ZHX2: variants seen among roughly 807,000 people sequenced by gnomAD.
ZHX2 encodes the protein zinc fingers and homeoboxes 2, also known as zinc fingers and homeoboxes protein 2.
Under a neutral mutation model 21.9 loss-of-function variants are expected in ZHX2, and 6 were observed. The observed-to-expected ratio is 0.27, with a 90% confidence interval of 0.15 to 0.54. The LOEUF (loss-of-function observed/expected upper bound fraction) is 0.54. Among genes scored for constraint, ZHX2 ranks in the 20% least tolerant of loss-of-function variants. ZHX2 has a pLI of 0.95. For synonymous variants in ZHX2, 434 were observed against 437.1 expected, an observed-to-expected ratio of 0.99 and a Z score of 0.09; for missense variants, 908 against 1,090.7, an observed-to-expected ratio of 0.83 and a Z score of 2.36.
intron 2 of ZHX2, among the ~76,000 whole-genome samples, chr8:122,906,886 G>C (rs1372859815): frequency 6.6e-6 from 1 of 151,936 alleles, no homozygotes; most frequent in African/African-American, 2.4e-5. Flanking sequence ...GGCCAGGCTG[G>C]TCTTGAACTC....
At chr8:122,866,330 C>A (rs1302010544) in intron 2 of ZHX2, among the ~76,000 whole-genome samples, 1 of 152,152 alleles carries the variant, frequency 6.6e-6, no homozygotes, top group Non-Finnish European at 1.5e-5. Flanking sequence ...GCACTCCCCC[C>A]CACCCCAGGA....
Position 122,951,348 on chromosome 8 carries a change from A to T in ZHX2, c.-163A>T, listed in dbSNP as rs144768655. 91 of 645,292 alleles carry T rather than the reference A, an allele frequency of 1.4e-4. No homozygotes were observed. Among genetic ancestry groups the T allele is most frequent in the Middle Eastern group, 1.3e-3 (3 of 2,362 alleles). 40.0% of individuals were successfully genotyped at this position (645,292 alleles called of 1,614,324 possible). The stretch of plus-strand genomic sequence containing the variant: ...GTGCCATTCCAATTTTCTGTGCTGA[A>T]ATCATTCTGAAAACTCAAACAGTAG... On this transcript the variant is annotated 5_prime_UTR_variant, in exon 3 of 4. Coordinates refer to ENST00000314393, the MANE Select transcript of ZHX2 (RefSeq NM_014943.5).
chr8:122,861,035 CAAAAAAAAAAAAA>C (rs36046690), intron 1 of ZHX2, among the ~76,000 whole-genome samples: 1 of 66,770 alleles, frequency 1.5e-5, no homozygotes, highest in Non-Finnish European at 2.7e-5. Flanking sequence ...GACTTCGTCT[CAAAAAAAAAAAAA>C]AAAAAAAAAA....
At position 122,951,352 on chromosome 8, in the gene ZHX2, A is replaced by C; in HGVS notation, c.-159A>C. 1.5e-6 allele frequency: 1 copy of C among 652,384 alleles called. No individual in the cohort carries two copies. The highest frequency in any genetic ancestry group is 2.7e-5 in the East Asian group (1 of 36,456). 40.4% of individuals were successfully genotyped at this position (652,384 alleles called of 1,614,324 possible). A position where few individuals can be genotyped will look rare whatever the true frequency, so the allele number is the denominator to read the frequency against. The stretch of plus-strand genomic sequence containing the variant: ...CATTCCAATTTTCTGTGCTGAAATC[A>C]TTCTGAAAACTCAAACAGTAGACTT... On this transcript the variant is annotated 5_prime_UTR_variant, in exon 3 of 4. Coordinates refer to ENST00000314393, the MANE Select transcript of ZHX2 (RefSeq NM_014943.5).
intron 2 of ZHX2, among the ~76,000 whole-genome samples, chr8:122,870,047 T>C (rs1356900694): frequency 6.6e-6 from 1 of 152,200 alleles, no homozygotes; most frequent in East Asian, 1.9e-4. Flanking sequence ...TCATTCTGCC[T>C]GTGGGTTCAG....
intron 1 of ZHX2, among the ~76,000 whole-genome samples, chr8:122,792,781 G>A (rs188127053): frequency 1.3e-5 from 2 of 152,246 alleles, no homozygotes; most frequent in East Asian, 1.9e-4. Flanking sequence ...AAGCAAATGA[G>A]GTACCCAGCG....
intron 1 of ZHX2, among the ~76,000 whole-genome samples, chr8:122,821,065 C>T (rs753745130): frequency 5.3e-5 from 8 of 152,110 alleles, no homozygotes; most frequent in Non-Finnish European, 8.8e-5. Context: ...GTGCAGCCCT[C>T]GCCATGGAAA....
intron 2 of ZHX2, among the ~76,000 whole-genome samples, chr8:122,913,057 G>A (rs1358172073): frequency 2.6e-5 from 4 of 152,180 alleles, no homozygotes; most frequent in African/African-American, 2.4e-5. Context: ...CCTGCCTCCA[G>A]TCAGCTCTAG....
intron 2 of ZHX2, among the ~76,000 whole-genome samples, chr8:122,928,657 G>A (rs1452580495): frequency 6.6e-6 from 1 of 152,218 alleles, no homozygotes; most frequent in East Asian, 1.9e-4. Flanking sequence ...TAGGCAAGCT[G>A]TCAGGATGGC....
At chr8:122,915,292 G>A (rs1363673081) in intron 2 of ZHX2, among the ~76,000 whole-genome samples, 2 of 152,278 alleles carry the variant, frequency 1.3e-5, no homozygotes, top group Admixed American at 6.5e-5. Context: ...AAGGGCCTGA[G>A]ATCTTATGAA....
chr8:122,916,740 C>A (rs537551333), intron 2 of ZHX2, among the ~76,000 whole-genome samples: 1 of 152,220 alleles, frequency 6.6e-6, no homozygotes, highest in South Asian at 2.1e-4. Flanking sequence ...TTCCTTCCAT[C>A]CATCCTATCG....
At chr8:122,850,363 C>A (rs377040279) in intron 1 of ZHX2, among the ~76,000 whole-genome samples, 1 of 152,206 alleles carries the variant, frequency 6.6e-6, no homozygotes, top group South Asian at 2.1e-4. Context: ...ACCGGCCGGG[C>A]GCAGTGGCTC....
chr8:122,824,923 T>C (rs1818229992), intron 1 of ZHX2, among the ~76,000 whole-genome samples: 2 of 152,196 alleles, frequency 1.3e-5, no homozygotes, highest in Non-Finnish European at 2.9e-5. Context: ...ACAGCCCCCG[T>C]CCATCTTCAA....
intron 2 of ZHX2, among the ~76,000 whole-genome samples, chr8:122,920,223 G>A (rs993997240): frequency 2.0e-5 from 3 of 152,066 alleles, no homozygotes; most frequent in South Asian, 2.1e-4. Context: ...GCAGTGAGCC[G>A]AGATCGTGCC....
At chr8:122,876,635 C>T (rs1436237154) in intron 2 of ZHX2, among the ~76,000 whole-genome samples, 1 of 152,204 alleles carries the variant, frequency 6.6e-6, no homozygotes, top group Non-Finnish European at 1.5e-5. Flanking sequence ...TGCAGAATGT[C>T]ACAACGGCTC....
chr8:122,941,479 CTA>C (rs1812841930), intron 2 of ZHX2, among the ~76,000 whole-genome samples: 1 of 152,174 alleles, frequency 6.6e-6, no homozygotes. Context: ...ATGTTTTATG[CTA>C]TGTTATCAAG....
At chr8:122,798,280 T>G (rs1298377551) in intron 1 of ZHX2, among the ~76,000 whole-genome samples, 2 of 152,332 alleles carry the variant, frequency 1.3e-5, no homozygotes, top group Non-Finnish European at 2.9e-5. Flanking sequence ...GCCCCTACTA[T>G]GTGTCAGGCA....
At chr8:122,928,345 T>C (rs9792311) in intron 2 of ZHX2, among the ~76,000 whole-genome samples, 1 of 152,028 alleles carries the variant, frequency 6.6e-6, no homozygotes, top group Non-Finnish European at 1.5e-5. Flanking sequence ...CAGGGGTCTG[T>C]CTGGCAAATC....
At position 122,953,987 on chromosome 8, in the gene ZHX2, A is replaced by G. The variant is rs1200139027; in HGVS notation, c.2477A>G (p.Asp826Gly). The change falls in exon 3 of 4, where the codon GAC becomes GGC. Residue 826 changes from aspartate (D) to glycine (G), a missense_variant. Coordinates refer to ENST00000314393, the MANE Select transcript of ZHX2 (RefSeq NM_014943.5). The surrounding 1 kb of genome is among the most constrained non-coding windows in gnomAD (Gnocchi z 4.6). ...GGTGTGTCGGAACTGGCTGAATCAG[A>G]CTCCGACTGCGTCCCTGCAGAGGCT... ...AEGVSELAES[D>G]SDCVPAEAGQ... The G allele has an allele frequency of 1.9e-6, 3 of 1,610,716 alleles. No individual in the cohort carries two copies. The highest frequency in any genetic ancestry group is 2.7e-5 in the African/African-American group (2 of 74,966).
Sources: allele counts gnomAD v4.1 joint callset (sites outside exome capture counted in the v4.1 genomes callset), GRCh38; gene constraint gnomAD v4.1.1; non-coding constraint Gnocchi (gnomAD v3.1); transcripts MANE v1.5; gene names NCBI Gene and HGNC (gene_info 2026-07-23, HGNC 2026-07-21).